The following C1QTNF9 variants were observed in gnomAD, a reference collection of about 807,000 sequenced individuals.
C1QTNF9 encodes the protein C1q and TNF related 9, also known as complement C1q and tumor necrosis factor-related protein 9A.
In C1QTNF9, 6 loss-of-function variants were observed where a neutral mutation model predicts 10.1. The ratio of observed to expected loss-of-function variants is 0.59; its 90% confidence interval spans 0.32 to 1.17. The LOEUF is 1.17. Ranked by LOEUF, C1QTNF9 falls within the 50% of genes most tolerant of loss-of-function variation. C1QTNF9 has a pLI of 0.04. For missense variants in C1QTNF9, 201 were observed against 418.8 expected (o/e 0.48, Z 4.54); for synonymous variants, 98 against 163.5 (o/e 0.60, Z 3.06).
intron 1 of C1QTNF9, among the ~76,000 whole-genome samples, chr13:24,313,071 C>T (rs1279954527): frequency 2.6e-5 from 4 of 152,074 alleles, no homozygotes; most frequent in Non-Finnish European, 5.9e-5. Context: ...AGTTCGAGTC[C>T]AGCCTGGGCA....
chr13:24,308,373 A>G (rs1271896865), upstream of C1QTNF9, among the ~76,000 whole-genome samples: 1 of 152,218 alleles, frequency 6.6e-6, no homozygotes, highest in Non-Finnish European at 1.5e-5. Flanking sequence ...GCCCGGCCAG[A>G]ACTGCTGAGA....
intron 1 of C1QTNF9, among the ~76,000 whole-genome samples, chr13:24,312,032 C>G (rs1413059092): frequency 3.9e-5 from 6 of 152,186 alleles, no homozygotes; most frequent in South Asian, 2.1e-4. Context: ...CTATCATGGG[C>G]CCCTAGAAGC....
intron 1 of C1QTNF9, among the ~76,000 whole-genome samples, 195 bp downstream of exon 1, chr13:24,309,811 A>G (rs1877742265): frequency 6.6e-6 from 1 of 152,218 alleles, no homozygotes; most frequent in Admixed American, 6.5e-5. Flanking sequence ...AGGAGATAAA[A>G]GCAGATTTTG....
intron 3 of C1QTNF9, among the ~76,000 whole-genome samples, chr13:24,320,601 T>C (rs7990379): frequency 0.56 from 85,015 of 152,086 alleles, 25,213 homozygotes; most frequent in East Asian, 0.7. Context: ...CCTAGGCTGA[T>C]CTTGAATTCC....
intron 1 of C1QTNF9, among the ~76,000 whole-genome samples, chr13:24,309,829 TCTG>T (rs1201650399): frequency 6.6e-6 from 1 of 152,206 alleles, no homozygotes; most frequent in African/African-American, 2.4e-5. Flanking sequence ...TTGAAATTCT[TCTG>T]CTGGAACTCT....
chr13:24,310,304 C>T (rs892346409), intron 1 of C1QTNF9, among the ~76,000 whole-genome samples: 2 of 147,158 alleles, frequency 1.4e-5, no homozygotes, highest in Admixed American at 6.9e-5. Context: ...CAGGAGCCTG[C>T]CACCGCGCCT....
chr13:24,319,443 G>C (rs528208539), intron 3 of C1QTNF9, among the ~76,000 whole-genome samples: 1 of 152,264 alleles, frequency 6.6e-6, no homozygotes, highest in Admixed American at 6.5e-5. Flanking sequence ...GGAGGCTGAG[G>C]TGGGAGGATC....
At chr13:24,311,771 G>T (rs1229309025) in intron 1 of C1QTNF9, among the ~76,000 whole-genome samples, 1 of 152,200 alleles carries the variant, frequency 6.6e-6, no homozygotes, top group Non-Finnish European at 1.5e-5. Flanking sequence ...AAGATGTGCT[G>T]GCAGGTCTGG....
chr13:24,308,167 T>C (rs1451645632), upstream of C1QTNF9, among the ~76,000 whole-genome samples: 1 of 152,240 alleles, frequency 6.6e-6, no homozygotes, highest in East Asian at 1.9e-4. Context: ...TCGCTGGCTC[T>C]GAGGCAGAGG....
intron 2 of C1QTNF9, among the ~76,000 whole-genome samples, 178 bp from the exon 3 acceptor site, chr13:24,318,639 CA>C (rs2138809804): frequency 6.6e-6 from 1 of 152,370 alleles, no homozygotes; most frequent in Admixed American, 6.5e-5. Flanking sequence ...CGCAGCTCAG[CA>C]CCCCAGATGC....
upstream of C1QTNF9, among the ~76,000 whole-genome samples, chr13:24,308,659 G>T (rs1335582264): frequency 1.3e-5 from 2 of 152,176 alleles, no homozygotes; most frequent in African/African-American, 4.8e-5. Context: ...TGCTCTGTGC[G>T]TGGGCTCCTG....
chr13:24,310,496 T>A (rs920987972), intron 1 of C1QTNF9, among the ~76,000 whole-genome samples: 3 of 152,074 alleles, frequency 2.0e-5, no homozygotes, highest in Non-Finnish European at 4.4e-5. Context: ...GCTTATAGAT[T>A]ATTTTGCACA....
At chr13:24,317,429 T>G (rs757773890) in intron 2 of C1QTNF9, among the ~76,000 whole-genome samples, 1 of 152,176 alleles carries the variant, frequency 6.6e-6, no homozygotes, top group Non-Finnish European at 1.5e-5. Context: ...TCTTCCCTGT[T>G]GAATTTCTCT....
Position 24,314,169 on chromosome 13 carries a change from A to G in C1QTNF9, c.-22-1813A>G, listed in dbSNP as rs534749458. Among the ~76,000 whole-genome samples, 6 of 152,306 alleles carry G rather than the reference A, an allele frequency of 3.9e-5. No homozygotes were observed. The South Asian group carries it at 1.2e-3, about 32-fold the overall frequency. On this transcript the variant is annotated intron_variant, in intron 1 of 3. Transcript: ENST00000332018. ...TTTCCAGAAAGATGTGCAGATTTAC[A>G]TGGCTATCAGCACTGTGAGAGGATC...
At chr13:24,307,764 GGA>G (rs1408080532), upstream of C1QTNF9, among the ~76,000 whole-genome samples, 1 of 152,214 alleles carries the variant, frequency 6.6e-6, no homozygotes, top group Non-Finnish European at 1.5e-5. Flanking sequence ...TTTTCTTCCA[GGA>G]GAGTTGTGGG....
chr13:24,315,100 G>A (rs1877976598), intron 1 of C1QTNF9, among the ~76,000 whole-genome samples: 1 of 152,140 alleles, frequency 6.6e-6, no homozygotes, highest in South Asian at 2.1e-4. Flanking sequence ...ACAATTCAGT[G>A]GCATTATGTA....
intron 1 of C1QTNF9, among the ~76,000 whole-genome samples, chr13:24,312,763 T>C (rs1024054535): frequency 1.5e-4 from 23 of 151,900 alleles, no homozygotes; most frequent in African/African-American, 5.6e-4. Context: ...GAGACCATCC[T>C]GGCTAACATG....
At chr13:24,315,916 C>G in intron 1 of C1QTNF9, 66 bp from the exon 2 acceptor site, 2 of 1,565,984 alleles carry the variant, frequency 1.3e-6, no homozygotes, top group South Asian at 2.4e-5. Flanking sequence ...CTGCACGGAA[C>G]AGAGGCTGTG....
At chr13:24,318,760 G>A in intron 2 of C1QTNF9, 58 bp from the exon 3 acceptor site, 8 of 1,610,018 alleles carry the variant, frequency 5.0e-6, no homozygotes, top group Non-Finnish European at 5.1e-6. Flanking sequence ...GAGACCAATG[G>A]CCAGAAAAAT....
Sources: allele counts gnomAD v4.1 joint callset (sites outside exome capture counted in the v4.1 genomes callset), GRCh38; gene constraint gnomAD v4.1.1; transcripts MANE v1.5; gene names NCBI Gene and HGNC (gene_info 2026-07-23, HGNC 2026-07-21).